MEGF6: variants seen among roughly 807,000 people sequenced by gnomAD.
MEGF6 encodes multiple EGF like domains 6, also known as multiple epidermal growth factor-like domains protein 6.
Under a neutral mutation model 207.1 loss-of-function variants are expected in MEGF6, and 184 were observed. That is an observed-to-expected ratio of 0.89 (90% CI 0.79 to 1.00). MEGF6 has a LOEUF of 1.00. Ranked by LOEUF, MEGF6 falls within the 50% of genes least tolerant of loss-of-function variation. MEGF6 has a pLI of 0.00. For synonymous variants in MEGF6, 1,038 were observed against 910.0 expected (o/e 1.14, Z -2.53); for missense variants, 2,282 against 2,202.9 (o/e 1.04, Z -0.72).
chr1:3,621,037 G>C, the MEGF6 span, among the ~76,000 whole-genome samples: 2 of 152,218 alleles, frequency 1.3e-5, no homozygotes, highest in African/African-American at 4.8e-5. Flanking sequence ...TATCTAAAAG[G>C]CAGAGCCAGG....
Position 3,497,108 on chromosome 1 carries a change from CGGGTGGGCAGGCT to C in MEGF6, c.3482-2_3492del, listed in dbSNP as rs745526574. The C allele has an allele frequency of 6.4e-7, 1 of 1,572,156 alleles. No individual in the cohort carries two copies. Among genetic ancestry groups the C allele is most frequent in the South Asian group, 1.2e-5 (1 of 86,682 alleles). The stretch of plus-strand genomic sequence containing the variant: ...TGCGCACAGTCCTCCCCAAAGCTGC[CGGGTGGGCAGGCT>C]GGGTGGAGACAGGCAGGGTCGGTCC... On this transcript the variant is annotated splice_acceptor_variant and coding_sequence_variant, in exon 28 of 37. Transcript: ENST00000356575. LOFTEE classifies it high-confidence loss of function.
At position 3,488,759 on chromosome 1, in the gene MEGF6, T is replaced by C. The variant is rs1640238115; in HGVS notation, c.*1769A>G. Reference sequence around the variant, plus strand: ...ATTCCCATTCTTTTTTCTCTGGGACTTTAGAATTTATCTTTGACATTGATG... The same window carrying C: ...ATTCCCATTCTTTTTTCTCTGGGACCTTAGAATTTATCTTTGACATTGATG... On this transcript the variant is annotated 3_prime_UTR_variant, in exon 37 of 37. Transcript: ENST00000356575. Among the ~76,000 whole-genome samples the C allele has an allele frequency of 6.6e-6, 1 of 152,266 alleles. No homozygotes were observed. The highest frequency in any genetic ancestry group is 2.1e-4 in the South Asian group (1 of 4,836).
intron 25 of MEGF6, 25 bp from the exon 26 acceptor site, chr1:3,498,524 G>A: frequency 6.5e-7 from 1 of 1,546,294 alleles, no homozygotes; most frequent in East Asian, 2.4e-5. Context: ...GCAGGCACGA[G>A]GGTGAGGGTC....
In MEGF6 at chr1:3,514,582, T is replaced by G; in HGVS notation, c.821A>C (p.Tyr274Ser). The change falls in exon 7 of 37, where the codon TAT becomes TCT. Residue 274 changes from tyrosine to serine, a missense_variant. Transcript: ENST00000356575. ...GLARCECHVG[Y>S]QLAADGKACE... Reference sequence around the variant, plus strand: ...GGCCTTGCCGTCCGCTGCTAGCTGATAGCCCACGTGGCACTCACAGCGGGC... The same window carrying G: ...GGCCTTGCCGTCCGCTGCTAGCTGAGAGCCCACGTGGCACTCACAGCGGGC... The G allele has an allele frequency of 6.3e-7, 1 of 1,589,534 alleles. No homozygotes were observed. The highest frequency in any genetic ancestry group is 8.5e-7 in the Non-Finnish European group (1 of 1,170,542).
At chr1:3,553,136 G>A (rs955929156) in intron 4 of MEGF6, among the ~76,000 whole-genome samples, 1 of 152,126 alleles carries the variant, frequency 6.6e-6, no homozygotes, top group African/African-American at 2.4e-5. Flanking sequence ...GGGCCTTGGA[G>A]CCAGGCTGCC....
chr1:3,530,021 C>T (rs771813068), intron 4 of MEGF6, among the ~76,000 whole-genome samples: 7 of 152,250 alleles, frequency 4.6e-5, no homozygotes, highest in Admixed American at 2.6e-4. Flanking sequence ...AGCTGGAGCA[C>T]GCTTTAGACC....
chr1:3,563,401 C>A (rs934378186), intron 4 of MEGF6, among the ~76,000 whole-genome samples: 2 of 152,274 alleles, frequency 1.3e-5, no homozygotes, highest in East Asian at 3.9e-4. Flanking sequence ...ACAGACCAGG[C>A]CACGCCCCAG....
chr1:3,540,503 G>C (rs1347128096), intron 4 of MEGF6, among the ~76,000 whole-genome samples: 2 of 152,238 alleles, frequency 1.3e-5, no homozygotes, highest in African/African-American at 4.8e-5. Context: ...GGGATGCTGA[G>C]GCCTCACCAC....
At chr1:3,608,038 T>TG (rs71580213) in intron 1 of MEGF6, among the ~76,000 whole-genome samples, 3 of 150,108 alleles carry the variant, frequency 2.0e-5, no homozygotes, top group Non-Finnish European at 4.4e-5. Context: ...TGAGGGGAGT[T>TG]GGGGGGGCTC....
intron 36 of MEGF6, 139 bp from the exon 37 acceptor site, chr1:3,490,728 C>T: frequency 2.6e-6 from 3 of 1,150,780 alleles, no homozygotes; most frequent in Non-Finnish European, 3.7e-6. Flanking sequence ...CCCACCCATC[C>T]TTCCCAGCCT....
chr1:3,608,525 A>AC (rs1644283695), intron 1 of MEGF6, among the ~76,000 whole-genome samples: 1 of 152,044 alleles, frequency 6.6e-6, no homozygotes, highest in Non-Finnish European at 1.5e-5. Flanking sequence ...GCAGGGCCCG[A>AC]CCCGCCCTGG....
chr1:3,578,544 G>A lies in MEGF6; in HGVS notation c.481+1281C>T, dbSNP rs555377849. Among the ~76,000 whole-genome samples, 239 of 152,258 alleles carry A rather than the reference G, an allele frequency of 1.6e-3. 5 individuals carry two copies. In the South Asian group the frequency reaches 0.048, roughly 31 times the overall value. The stretch of plus-strand genomic sequence containing the variant: ...TGACAGGGCAGGGGCCCTGGGGGGG[G>A]GGGGCCCTTTCGTCCACACGAGACA... On this transcript the variant is annotated intron_variant, in intron 4 of 36. Coordinates refer to ENST00000356575, the MANE Select transcript of MEGF6 (RefSeq NM_001409.4).
intron 4 of MEGF6, among the ~76,000 whole-genome samples, chr1:3,526,249 A>G (rs927124350): frequency 2.0e-5 from 3 of 152,196 alleles, no homozygotes; most frequent in African/African-American, 4.8e-5. Context: ...AACATGAGGG[A>G]GAGACCACAC....
At chr1:3,623,031 G>A in the MEGF6 span, among the ~76,000 whole-genome samples, 8 of 152,046 alleles carry the variant, frequency 5.3e-5, no homozygotes, top group Non-Finnish European at 8.8e-5. Flanking sequence ...CTGCAGCCTC[G>A]GCCCCAGCCA....
At chr1:3,501,488 C>T (rs912170152) in intron 18 of MEGF6, among the ~76,000 whole-genome samples, 180 bp from the exon 19 acceptor site, 7 of 152,008 alleles carry the variant, frequency 4.6e-5, no homozygotes, top group African/African-American at 1.5e-4. Flanking sequence ...CTGCGGGGTG[C>T]GCACCCACAG....
chr1:3,622,731 A>G, the MEGF6 span, among the ~76,000 whole-genome samples: 1 of 152,040 alleles, frequency 6.6e-6, no homozygotes. Context: ...GGCCCTGCAC[A>G]CTCCTTGATT....
chr1:3,588,507 CAGGAGGGGAT>C (rs1412832588), intron 3 of MEGF6, among the ~76,000 whole-genome samples: 1 of 72,514 alleles, frequency 1.4e-5, no homozygotes, highest in African/African-American at 5.8e-5. Context: ...CAGGACAGGG[CAGGAGGGGAT>C]AGGAGTGGCC....
chr1:3,520,544 G>A (rs1177325553), intron 5 of MEGF6, among the ~76,000 whole-genome samples: 1 of 152,134 alleles, frequency 6.6e-6, no homozygotes, highest in African/African-American at 2.4e-5. Flanking sequence ...TCCCACCCCA[G>A]AGACCGGGCG....
intron 3 of MEGF6, among the ~76,000 whole-genome samples, chr1:3,593,467 C>T (rs561032195): frequency 6.7e-6 from 1 of 148,994 alleles, no homozygotes; most frequent in South Asian, 2.2e-4. Flanking sequence ...CAGGGGCACC[C>T]CCACCCCCGC....
Sources: allele counts gnomAD v4.1 joint callset (sites outside exome capture counted in the v4.1 genomes callset), GRCh38; gene constraint gnomAD v4.1.1; transcripts MANE v1.5; gene names NCBI Gene and HGNC (gene_info 2026-07-23, HGNC 2026-07-21).